Variants in HNRNPA2B1 observed in about 807,000 individuals in gnomAD.
The protein encoded by HNRNPA2B1 is heterogeneous nuclear ribonucleoproteins A2/B1.
Under a neutral mutation model 46.3 loss-of-function variants are expected in HNRNPA2B1, and 3 were observed. That is an observed-to-expected ratio of 0.06 (90% CI 0.03 to 0.17). The LOEUF (loss-of-function observed/expected upper bound fraction) is 0.17. HNRNPA2B1 is among the 10% of genes least tolerant of loss of function. The pLI, the probability that HNRNPA2B1 is intolerant of heterozygous loss-of-function variation, is 1.00. For missense variants in HNRNPA2B1, 221 were observed against 418.9 expected (o/e 0.53, Z 4.12); for synonymous variants, 225 against 133.8 (o/e 1.68, Z -4.70).
chr7:26,198,097 C>CT (rs1783868711), intron 1 of HNRNPA2B1: 1 of 370,488 alleles, frequency 2.7e-6, no homozygotes, highest in Non-Finnish European at 4.7e-6. Flanking sequence ...ATTAAAGAAT[C>CT]TTTACCAAAA....
At position 26,196,346 on chromosome 7, in the gene HNRNPA2B1, CA is replaced by C. The variant is rs1011697672; in HGVS notation, c.658+54del. On this transcript the variant is annotated intron_variant, in intron 6 of 10. Coordinates refer to ENST00000618183, the MANE Select transcript of HNRNPA2B1 (RefSeq NM_002137.4). ...TTGATTCTACTAATGAAAACCTAATCATATTTAAAATAAAAGCACACTCATC... is the reference window on the plus strand; with the variant it reads ...TTGATTCTACTAATGAAAACCTAATCTATTTAAAATAAAAGCACACTCATC... 8 of 1,392,638 alleles carry C rather than the reference CA, an allele frequency of 5.7e-6. No homozygotes were observed. In the African/African-American group the frequency reaches 1.0e-4, roughly 18 times the overall value. The allele number at this position is 1,392,638 out of a possible 1,614,324, so 86.3% of individuals were successfully genotyped here.
rs1483583710 is a variant in HNRNPA2B1, at chr7:26,190,073, A to G, written c.*2287T>C. ...GGATGGTGATCTTTTAGACAACCAA[A>G]TATTTATAGAACAAGATTCACACAT... On this transcript the variant is annotated 3_prime_UTR_variant, in exon 11 of 11. Coordinates refer to ENST00000618183, the MANE Select transcript of HNRNPA2B1 (RefSeq NM_002137.4). 3.3e-5 allele frequency: 5 copies of G among 152,620 alleles called. No individual in the cohort carries two copies. The highest frequency in any genetic ancestry group is 6.5e-5 in the Admixed American group (1 of 15,278). The allele number at this position is 152,620 out of a possible 1,614,324, so 9.5% of individuals were successfully genotyped here.
At chr7:26,198,818 T>A (rs901751489) in intron 1 of HNRNPA2B1, 1 of 152,206 alleles carries the variant, frequency 6.6e-6, no homozygotes, top group Non-Finnish European at 1.5e-5. Context: ...TTCAATCAAT[T>A]ATTTTTTGTT....
At chr7:26,199,977 C>G (rs1370789898) in intron 1 of HNRNPA2B1, 1 of 154,462 alleles carries the variant, frequency 6.5e-6, no homozygotes. Context: ...TCTAAAGATC[C>G]AAGCTCACAA....
In HNRNPA2B1 at chr7:26,193,615, C is replaced by A; in HGVS notation, c.801G>T (p.Gln267His). The A allele has an allele frequency of 6.2e-7, 1 of 1,611,494 alleles. No homozygotes were observed. The highest frequency in any genetic ancestry group is 1.1e-5 in the South Asian group (1 of 90,574). ...CATAACCACCTCCGTAGCCCCCACC[C>A]TGGTTGCCATATCCAGGTCCTCCAC... ...YGGGGPGYGN[Q>H]GGGYGGGYDN... The change falls in exon 8 of 11, where the codon CAG becomes CAT. Residue 267 changes from glutamine to histidine, a missense_variant. By Grantham distance (24) the Gln-to-His change is conservative. This residue lies in a region of HNRNPA2B1 where 143 missense variants were observed against 200.5 expected (regional missense o/e 0.71). Transcript: ENST00000618183.
At position 26,193,007 on chromosome 7, in the gene HNRNPA2B1, T is replaced by G. The variant is rs56132015; in HGVS notation, c.964+244A>C. Among the ~76,000 whole-genome samples the G allele has an allele frequency of 0.029, 4,444 of 152,146 alleles. 77 individuals are homozygous for G. The highest frequency in any genetic ancestry group is 0.048 in the Middle Eastern group (14 of 294). ...GCAACTGTATTTAGCTGTTTATGAG[T>G]CCCCACCAGAAATTAAACTACTGAA... On this transcript the variant is annotated intron_variant, in intron 9 of 10. Coordinates refer to ENST00000618183, the MANE Select transcript of HNRNPA2B1 (RefSeq NM_002137.4).
At chr7:26,197,532 T>C (rs1783783919) in intron 2 of HNRNPA2B1, 71 bp from the exon 3 acceptor site, 2 of 1,575,938 alleles carry the variant, frequency 1.3e-6, no homozygotes, top group Non-Finnish European at 8.7e-7. Flanking sequence ...TAATAGAATT[T>C]TTTACTATGC....
At chr7:26,197,139 C>G in intron 3 of HNRNPA2B1, 122 bp from the exon 4 acceptor site, 1 of 1,103,180 alleles carries the variant, frequency 9.1e-7, no homozygotes. Context: ...TATAAAATAG[C>G]TTTTAGGGAC....
chr7:26,192,599 G>T, intron 9 of HNRNPA2B1, 22 bp from the exon 10 acceptor site: 12 of 1,605,546 alleles, frequency 7.5e-6, no homozygotes, highest in Non-Finnish European at 1.0e-5. Flanking sequence ...GGAACAGCAA[G>T]AGAAAACAAA....
intron 6 of HNRNPA2B1, among the ~76,000 whole-genome samples, 191 bp downstream of exon 6, chr7:26,196,210 T>A (rs1033965624): frequency 6.6e-6 from 1 of 152,210 alleles, no homozygotes; most frequent in African/African-American, 2.4e-5. Context: ...TCCAGATAAA[T>A]ACAACTGTTA....
intron 7 of HNRNPA2B1, chr7:26,195,630 G>A (rs1002175740): frequency 9.3e-6 from 5 of 535,512 alleles, no homozygotes; most frequent in African/African-American, 4.0e-5. Context: ...ATACTCTGAT[G>A]GTTATCTTTA....
chr7:26,192,776 T>C lies in HNRNPA2B1; in HGVS notation c.965-199A>G, dbSNP rs56276467. Among the ~76,000 whole-genome samples, 4,451 of 152,348 alleles carry C rather than the reference T, an allele frequency of 0.029. 78 individuals are homozygous for C. The highest frequency in any genetic ancestry group is 0.048 in the Middle Eastern group (14 of 294). ...CATTTTTATTTCGTGGCTGACCCTA[T>C]TCTTTTAAATAAAGGGTCCTTTCAC... On this transcript the variant is annotated intron_variant, in intron 9 of 10. Transcript: ENST00000618183.
At position 26,200,635 on chromosome 7, in the gene HNRNPA2B1, C is replaced by A. The variant is rs961829551; in HGVS notation, c.-58G>T. 1 of 1,612,140 alleles carries A rather than the reference C, an allele frequency of 6.2e-7. No individual in the cohort carries two copies. The highest frequency in any genetic ancestry group is 1.7e-5 in the Admixed American group (1 of 60,030). On this transcript the variant is annotated 5_prime_UTR_variant, in exon 1 of 11. Transcript: ENST00000618183. ...CAGCCGAGCGAGATGAGAGAGATCT[C>A]CGCGGACGAACACGAACCGGACTCG... is the stretch of plus-strand genomic sequence containing the variant.
At chr7:26,200,450 C>G (rs1784300892) in intron 1 of HNRNPA2B1, 122 bp downstream of exon 1, 2 of 969,082 alleles carry the variant, frequency 2.1e-6, no homozygotes, top group Admixed American at 3.4e-5. Context: ...TTAAGCCCCA[C>G]TGCTACTGAA....
Position 26,191,324 on chromosome 7 carries a change from AAACTACGTAAG to A in HNRNPA2B1, c.*1025_*1035del, listed in dbSNP as rs1343304206. Reference sequence around the variant, plus strand: ...GTTAAACTCAATTTATAGCTATGTTAAACTACGTAAGAACCACTATACTGAAAGACCATTTA... The same window carrying A: ...GTTAAACTCAATTTATAGCTATGTTAAACCACTATACTGAAAGACCATTTA... On this transcript the variant is annotated 3_prime_UTR_variant, in exon 11 of 11. Transcript: ENST00000618183. The A allele has an allele frequency of 6.6e-6, 1 of 152,200 alleles. No individual in the cohort carries two copies. Among genetic ancestry groups the A allele is most frequent in the Non-Finnish European group, 1.5e-5 (1 of 68,014 alleles). The allele number at this position is 152,200 out of a possible 1,614,324, so 9.4% of individuals were successfully genotyped here. A position where few individuals can be genotyped will look rare whatever the true frequency, so the allele number is the denominator to read the frequency against.
chr7:26,196,776 A>G, intron 4 of HNRNPA2B1, 31 bp downstream of exon 4: 3 of 1,598,098 alleles, frequency 1.9e-6, no homozygotes, highest in Non-Finnish European at 2.6e-6. Context: ...TACACTGGAA[A>G]AAAACAGTAC....
chr7:26,190,307 GTTTT>G lies in HNRNPA2B1; in HGVS notation c.*2049_*2052del. 6.6e-6 allele frequency: 1 copy of G among 152,288 alleles called. No individual in the cohort carries two copies. Among genetic ancestry groups the G allele is most frequent in the East Asian group, 1.9e-4 (1 of 5,190 alleles). 9.4% of individuals were successfully genotyped at this position (152,288 alleles called of 1,614,324 possible). A position where few individuals can be genotyped will look rare whatever the true frequency, so the allele number is the denominator to read the frequency against. ...TATCAAGAACCTCAACTAAATGTTT[GTTTT>G]ATCAGAAAACATTTCCCTTTTATTT... On this transcript the variant is annotated 3_prime_UTR_variant, in exon 11 of 11. Transcript: ENST00000618183.
intron 1 of HNRNPA2B1, chr7:26,199,667 T>A (rs1210111741): frequency 6.6e-6 from 1 of 152,164 alleles, no homozygotes. Context: ...CTGCCCCTCG[T>A]GGCCGATGGC....
chr7:26,199,601 C>T (rs985615434), intron 1 of HNRNPA2B1: 1 of 152,146 alleles, frequency 6.6e-6, no homozygotes, highest in East Asian at 1.9e-4. Context: ...TCCTTAAGAA[C>T]AGTAAAGGAT....
Sources: gnomAD v4.1 joint callset for allele counts (sites outside exome capture counted in the v4.1 genomes callset) on GRCh38, gnomAD v4.1.1 for gene constraint, gnomAD v4.1.1 regional missense constraint, MANE v1.5 for transcripts, NCBI Gene and HGNC (gene_info 2026-07-23, HGNC 2026-07-21) for gene names.